The following RGS6 variants were observed in gnomAD, a reference collection of about 807,000 sequenced individuals.
The protein encoded by RGS6 is regulator of G protein signaling 6.
In RGS6, 30 loss-of-function variants were observed where a neutral mutation model predicts 78.5. That is an observed-to-expected ratio of 0.38 (90% CI 0.29 to 0.52). The LOEUF (loss-of-function observed/expected upper bound fraction) is 0.52, where lower values mean the gene tolerates loss of function less well. Ranked by LOEUF, RGS6 falls within the 20% of genes least tolerant of loss-of-function variation. RGS6 has a pLI of 0.85. For missense variants in RGS6, 495 were observed against 609.7 expected (o/e 0.81, Z 1.98); for synonymous variants, 206 against 206.0 (o/e 1.00, Z 0.00).
intron 14 of RGS6, chr14:72,511,792 A>G (rs2096881101): frequency 6.6e-6 from 1 of 152,252 alleles, no homozygotes; most frequent in African/African-American, 2.4e-5. Context: ...CTAGGCATCC[A>G]CGTGTCTGTT....
At chr14:71,993,429 GAATA>G (rs1448270184) in intron 2 of RGS6, among the ~76,000 whole-genome samples, 1 of 152,124 alleles carries the variant, frequency 6.6e-6, no homozygotes, top group Non-Finnish European at 1.5e-5. Flanking sequence ...ATAATGAAAT[GAATA>G]GTTACTATCT....
intron 2 of RGS6, among the ~76,000 whole-genome samples, chr14:72,286,900 C>T (rs1335233852): frequency 6.6e-6 from 1 of 151,870 alleles, no homozygotes; most frequent in African/African-American, 2.4e-5. Context: ...TCTTCTGCCT[C>T]AGCCTCCCAA....
At chr14:72,071,659 AT>A (rs1241258503) in intron 2 of RGS6, among the ~76,000 whole-genome samples, 2 of 152,188 alleles carry the variant, frequency 1.3e-5, no homozygotes, top group Admixed American at 1.3e-4. Flanking sequence ...TAACATATCT[AT>A]GTGCATATTC....
chr14:72,057,522 A>C (rs957241089), intron 2 of RGS6, among the ~76,000 whole-genome samples: 2 of 151,952 alleles, frequency 1.3e-5, no homozygotes, highest in Non-Finnish European at 2.9e-5. Flanking sequence ...CTGCTGGCCT[A>C]CATGCAAAGT....
intron 2 of RGS6, among the ~76,000 whole-genome samples, chr14:72,228,702 G>A (rs1324614341): frequency 6.6e-6 from 1 of 152,260 alleles, no homozygotes; most frequent in East Asian, 1.9e-4. Context: ...GTTAGGGACT[G>A]AGCAAAGAGG....
the RGS6 span, among the ~76,000 whole-genome samples, chr14:72,599,109 A>G: frequency 6.6e-6 from 1 of 152,194 alleles, no homozygotes; most frequent in Non-Finnish European, 1.5e-5. Flanking sequence ...CTCCTCTCCC[A>G]TAAAATTCAG....
At position 72,565,411 on chromosome 14, in the gene RGS6, G is replaced by C. The variant is rs529143491; in HGVS notation, c.*2944G>C. ...ACATATAAACGTCCAGCCGCAGCCA[G>C]ATGGCCTGAACTAAGCAGCAGGAAC... On this transcript the variant is annotated 3_prime_UTR_variant, in exon 18 of 18. Transcript: ENST00000553525. The C allele has an allele frequency of 1.3e-5, 2 of 152,398 alleles. No homozygotes were observed. Among genetic ancestry groups the C allele is most frequent in the African/African-American group, 4.8e-5 (2 of 41,596 alleles). The allele number at this position is 152,398 out of a possible 1,614,324, so 9.4% of individuals were successfully genotyped here.
intron 2 of RGS6, among the ~76,000 whole-genome samples, chr14:72,010,696 A>G (rs77481400): frequency 2.5e-3 from 388 of 152,318 alleles, no homozygotes; most frequent in African/African-American, 8.9e-3. Flanking sequence ...TCACCTTCCA[A>G]TAAATCAGGG....
At chr14:72,218,488 G>C (rs1252795082) in intron 2 of RGS6, among the ~76,000 whole-genome samples, 2 of 151,988 alleles carry the variant, frequency 1.3e-5, no homozygotes, top group African/African-American at 2.4e-5. Context: ...TGTTGTATCA[G>C]TATATTAGTT....
intron 2 of RGS6, among the ~76,000 whole-genome samples, chr14:72,272,860 A>G (rs2060144185): frequency 6.6e-6 from 1 of 152,238 alleles, no homozygotes; most frequent in Non-Finnish European, 1.5e-5. Context: ...CACGCCTGTA[A>G]TCCCAACACT....
chr14:72,492,104 C>T (rs1222606905), intron 12 of RGS6, among the ~76,000 whole-genome samples: 1 of 152,142 alleles, frequency 6.6e-6, no homozygotes, highest in Non-Finnish European at 1.5e-5. Flanking sequence ...AAGTGTGATA[C>T]CTTTCCTCAT....
intron 13 of RGS6, among the ~76,000 whole-genome samples, chr14:72,497,376 T>C (rs1598354986): frequency 1.3e-5 from 2 of 152,242 alleles, no homozygotes; most frequent in East Asian, 3.8e-4. Flanking sequence ...CAATATGTTT[T>C]GCTTTGGATA....
intron 3 of RGS6, among the ~76,000 whole-genome samples, chr14:72,397,857 T>G (rs1264299314): frequency 1.3e-5 from 2 of 152,214 alleles, no homozygotes; most frequent in African/African-American, 4.8e-5. Flanking sequence ...TTACGTTTAT[T>G]GATTTTCGTA....
intron 2 of RGS6, among the ~76,000 whole-genome samples, chr14:72,343,577 A>G (rs1689718201): frequency 6.6e-6 from 1 of 152,166 alleles, no homozygotes; most frequent in Admixed American, 6.5e-5. Context: ...TTTTGGGGGA[A>G]CATTTTTCTG....
At chr14:72,073,716 T>C (rs555839906) in intron 2 of RGS6, among the ~76,000 whole-genome samples, 1 of 152,222 alleles carries the variant, frequency 6.6e-6, no homozygotes, top group African/African-American at 2.4e-5. Flanking sequence ...TGGCCTTGGC[T>C]GGAATAAATT....
At chr14:71,889,434 C>T in the RGS6 span, among the ~76,000 whole-genome samples, 2 of 151,738 alleles carry the variant, frequency 1.3e-5, no homozygotes, top group African/African-American at 4.8e-5. Context: ...ATTTTTTTCC[C>T]TAAATGCAAT....
chr14:72,606,245 G>A, the RGS6 span, among the ~76,000 whole-genome samples: 1 of 152,108 alleles, frequency 6.6e-6, no homozygotes, highest in Non-Finnish European at 1.5e-5. Context: ...TGGAAGACAG[G>A]CATGATCTTT....
intron 2 of RGS6, among the ~76,000 whole-genome samples, chr14:72,207,320 A>G (rs2042952875): frequency 6.6e-6 from 1 of 152,182 alleles, no homozygotes; most frequent in South Asian, 2.1e-4. Flanking sequence ...TTATATTTCT[A>G]ATGACTTCAA....
intron 2 of RGS6, among the ~76,000 whole-genome samples, chr14:72,050,874 TG>T (rs1250624790): frequency 6.6e-6 from 1 of 152,196 alleles, no homozygotes; most frequent in Non-Finnish European, 1.5e-5. Context: ...TTTTGGTATA[TG>T]CAACAGGTCC....
Sources: gnomAD v4.1 joint callset for allele counts (sites outside exome capture counted in the v4.1 genomes callset) on GRCh38, gnomAD v4.1.1 for gene constraint, MANE v1.5 for transcripts, NCBI Gene and HGNC (gene_info 2026-07-23, HGNC 2026-07-21) for gene names.